The following NPSR1 variants were observed in gnomAD, a reference collection of about 807,000 sequenced individuals.
NPSR1 encodes the protein neuropeptide S receptor 1, also known as neuropeptide S receptor.
A neutral mutation model predicts 46.9 loss-of-function variants in NPSR1; 48 were observed. The observed-to-expected ratio is 1.02, with a 90% CI of 0.81 to 1.30. NPSR1 has a LOEUF of 1.30. NPSR1 is among the 50% of genes most tolerant of loss of function. The probability of loss-of-function intolerance (pLI) is 0.00; values close to 1 mark genes in which losing one functional copy is unlikely to be tolerated. For missense variants in NPSR1, 450 were observed against 449.5 expected (o/e 1.00, Z -0.01); for synonymous variants, 176 against 168.1 (o/e 1.05, Z -0.36).
chr7:34,669,981 A>C (rs758227075), intron 1 of NPSR1, among the ~76,000 whole-genome samples: 3 of 152,222 alleles, frequency 2.0e-5, no homozygotes, highest in Non-Finnish European at 2.9e-5. Flanking sequence ...AATATATAGA[A>C]TACATGGAAG....
chr7:34,709,779 AAATG>A (rs1477695904), intron 2 of NPSR1, among the ~76,000 whole-genome samples: 4 of 152,348 alleles, frequency 2.6e-5, no homozygotes, highest in South Asian at 2.1e-4. Context: ...TGAATGAACC[AAATG>A]AATGAATGAA....
Position 34,840,917 on chromosome 7 carries a change from T to G in NPSR1, c.758-3979T>G, listed in dbSNP as rs78849865. Among the ~76,000 whole-genome samples, 34 of 152,308 alleles carry G rather than the reference T, an allele frequency of 2.2e-4. No individual in the cohort carries two copies. In the East Asian group the frequency reaches 6.4e-3, roughly 29 times the overall value. ...AAAGACACCCTGGGAAGAAACTGACTGCAGTCCTGCAGCTAAACAGATGAG... is the reference window on the plus strand; with the variant it reads ...AAAGACACCCTGGGAAGAAACTGACGGCAGTCCTGCAGCTAAACAGATGAG... On this transcript the variant is annotated intron_variant, in intron 6 of 8. Coordinates refer to ENST00000360581, the MANE Select transcript of NPSR1 (RefSeq NM_207172.2).
chr7:34,747,656 G>A (rs143815238), intron 2 of NPSR1, among the ~76,000 whole-genome samples: 16 of 152,034 alleles, frequency 1.1e-4, no homozygotes, highest in Non-Finnish European at 1.5e-4. Flanking sequence ...GAGCACCCAC[G>A]CACGCATGTG....
intron 5 of NPSR1, among the ~76,000 whole-genome samples, chr7:34,832,058 G>A (rs994453298): frequency 2.0e-5 from 3 of 152,130 alleles, no homozygotes; most frequent in African/African-American, 7.2e-5. Context: ...TAAGGTCCAA[G>A]GTCAAAGAGG....
At chr7:34,801,553 T>C (rs1788414220) in intron 3 of NPSR1, among the ~76,000 whole-genome samples, 1 of 139,800 alleles carries the variant, frequency 7.2e-6, no homozygotes, top group Admixed American at 7.1e-5. Flanking sequence ...AAATTAGGTA[T>C]TGATGGGACA....
chr7:34,871,222 T>C (rs1196270671), intron 8 of NPSR1, among the ~76,000 whole-genome samples: 1 of 151,612 alleles, frequency 6.6e-6, no homozygotes, highest in Non-Finnish European at 1.5e-5. Flanking sequence ...GTATGTCACA[T>C]GGCAAGAGAG....
rs546886896 is a variant in NPSR1, at chr7:34,768,776, C to A, written c.281-9686C>A. ...AAGTTCAAGAAAGAAATCATCAGTACCTAGAGTATGCCAAATAATAGTAAG... is the reference window on the plus strand; with the variant it reads ...AAGTTCAAGAAAGAAATCATCAGTAACTAGAGTATGCCAAATAATAGTAAG... On this transcript the variant is annotated intron_variant, in intron 2 of 8. Coordinates refer to ENST00000360581, the MANE Select transcript of NPSR1 (RefSeq NM_207172.2). Among the ~76,000 whole-genome samples the A allele has an allele frequency of 2.6e-5, 4 of 152,206 alleles. No homozygotes were observed. In the South Asian group the frequency reaches 8.3e-4, roughly 32 times the overall value.
rs183881430 is a variant in NPSR1 at position 34,863,202 on chromosome 7, G to A, written c.1025+14539G>A. Among the ~76,000 whole-genome samples the A allele has an allele frequency of 5.9e-5, 9 of 151,790 alleles. No homozygotes were observed. In the East Asian group the frequency reaches 1.2e-3, roughly 20 times the overall value. Reference sequence around the variant, plus strand: ...TATGCAGAAAACTGAAAGTGGACCCGTTCCTTATGCCTTATACAAAAATTA... The same window carrying A: ...TATGCAGAAAACTGAAAGTGGACCCATTCCTTATGCCTTATACAAAAATTA... On this transcript the variant is annotated intron_variant, in intron 8 of 8. Coordinates refer to the NPSR1 transcript ENST00000359791.
intron 8 of NPSR1, chr7:34,871,588 A>C (rs1791453291): frequency 6.6e-6 from 1 of 151,838 alleles, no homozygotes; most frequent in African/African-American, 2.4e-5. Context: ...TCAGCCTGTA[A>C]AATCAAAGAC....
chr7:34,860,425 C>T (rs1791161728), intron 8 of NPSR1, among the ~76,000 whole-genome samples: 1 of 151,688 alleles, frequency 6.6e-6, no homozygotes, highest in South Asian at 2.1e-4. Flanking sequence ...AAATCATTTA[C>T]AAATAACAAT....
At chr7:34,698,049 A>G (rs550048898) in intron 2 of NPSR1, among the ~76,000 whole-genome samples, 2 of 152,290 alleles carry the variant, frequency 1.3e-5, no homozygotes, top group Non-Finnish European at 2.9e-5. Flanking sequence ...ATAAAAAATA[A>G]TGAAACAAAA....
intron 1 of NPSR1, among the ~76,000 whole-genome samples, chr7:34,663,603 T>G (rs1284476238): frequency 2.6e-5 from 4 of 152,290 alleles, no homozygotes; most frequent in African/African-American, 9.6e-5. Flanking sequence ...CTGCTAACCC[T>G]TGGAGGGGGG....
intron 6 of NPSR1, among the ~76,000 whole-genome samples, chr7:34,841,420 G>A (rs1268970186): frequency 6.6e-6 from 1 of 152,198 alleles, no homozygotes; most frequent in East Asian, 1.9e-4. Flanking sequence ...ATATACTGTG[G>A]AACTAAAACA....
chr7:34,671,705 G>A (rs1477423277), intron 1 of NPSR1, among the ~76,000 whole-genome samples: 1 of 152,186 alleles, frequency 6.6e-6, no homozygotes, highest in Non-Finnish European at 1.5e-5. Flanking sequence ...CTCTGTAGCA[G>A]GAATCCTTCT....
intron 8 of NPSR1, among the ~76,000 whole-genome samples, chr7:34,860,906 A>G (rs1432307629): frequency 3.3e-5 from 5 of 151,910 alleles, no homozygotes; most frequent in Admixed American, 6.5e-5. Flanking sequence ...TGATTCTTCA[A>G]AGAAAAGCAG....
At chr7:34,856,920 A>T (rs1260458185) in intron 8 of NPSR1, among the ~76,000 whole-genome samples, 3 of 151,518 alleles carry the variant, frequency 2.0e-5, no homozygotes, top group Non-Finnish European at 2.9e-5. Context: ...TGGGGGGGGA[A>T]ATCTCTTCTA....
chr7:34,876,160 T>G (rs1791569150), intron 8 of NPSR1, among the ~76,000 whole-genome samples: 1 of 152,034 alleles, frequency 6.6e-6, no homozygotes, highest in Non-Finnish European at 1.5e-5. Flanking sequence ...ACGGCAGAAT[T>G]TGTAAATGTT....
chr7:34,794,289 A>C (rs573056985), intron 3 of NPSR1, among the ~76,000 whole-genome samples: 35 of 152,304 alleles, frequency 2.3e-4, no homozygotes, highest in African/African-American at 8.2e-4. Context: ...CCCTGATTTG[A>C]GCATTACACA....
At chr7:34,779,757 CTTATTATATTAG>C (rs1787149891) in intron 3 of NPSR1, 1 of 310,872 alleles carries the variant, frequency 3.2e-6, no homozygotes, top group Non-Finnish European at 6.1e-6. Flanking sequence ...CTTTCAATTG[CTTATTATATTAG>C]CAATCAATTG....
Sources: allele counts gnomAD v4.1 joint callset (sites outside exome capture counted in the v4.1 genomes callset), GRCh38; gene constraint gnomAD v4.1.1; transcripts MANE v1.5; gene names NCBI Gene and HGNC (gene_info 2026-07-23, HGNC 2026-07-21).